Variants in C6 observed in about 807,000 individuals in gnomAD.
C6 encodes the protein complement component C6.
A neutral mutation model predicts 112.9 loss-of-function variants in C6; 101 were observed. That is an observed-to-expected ratio of 0.89 (90% CI 0.76 to 1.06). C6 has a LOEUF of 1.06. Among genes scored for constraint, C6 ranks in the 50% least tolerant of loss-of-function variants. The pLI is 0.00. For missense variants in C6, 1,202 were observed against 1,104.6 expected (o/e 1.09, Z -1.25); for synonymous variants, 431 against 384.1 (o/e 1.12, Z -1.43).
chr5:41,160,388 G>T, intron 10 of C6, 21 bp from the exon 11 acceptor site: 1 of 1,584,468 alleles, frequency 6.3e-7, no homozygotes, highest in Non-Finnish European at 8.7e-7. Flanking sequence ...ATGGGAGAGA[G>T]GAGGTCCAGT....
intron 1 of C6, among the ~76,000 whole-genome samples, chr5:41,255,877 C>T (rs910078618): frequency 6.6e-6 from 1 of 152,038 alleles, no homozygotes; most frequent in Admixed American, 6.5e-5. Flanking sequence ...GAATAGTTCC[C>T]AGGTAAGGCA....
intron 9 of C6, among the ~76,000 whole-genome samples, chr5:41,168,655 A>G (rs76814367): frequency 0.029 from 4,462 of 152,120 alleles, 210 homozygotes; most frequent in African/African-American, 0.1. Flanking sequence ...TTCAGTTATT[A>G]ATGTGAAGAA....
At chr5:41,255,898 GA>G (rs1741664630) in intron 1 of C6, among the ~76,000 whole-genome samples, 1 of 152,200 alleles carries the variant, frequency 6.6e-6, no homozygotes, top group South Asian at 2.1e-4. Context: ...AAATCATTGT[GA>G]AAAGATGTCT....
intron 9 of C6, among the ~76,000 whole-genome samples, chr5:41,162,981 T>A (rs374152033): frequency 6.6e-6 from 1 of 152,168 alleles, no homozygotes; most frequent in Non-Finnish European, 1.5e-5. Flanking sequence ...TTTAGATTGA[T>A]ACCATGTATT....
chr5:41,221,944 C>A (rs1406770143), intron 1 of C6, among the ~76,000 whole-genome samples: 2 of 152,058 alleles, frequency 1.3e-5, no homozygotes, highest in Non-Finnish European at 2.9e-5. Context: ...GCAGGTGGAT[C>A]ACCTCAGGTC....
chr5:41,187,375 C>A (rs1054688015), intron 5 of C6, among the ~76,000 whole-genome samples: 1 of 152,004 alleles, frequency 6.6e-6, no homozygotes, highest in African/African-American at 2.4e-5. Flanking sequence ...TTTACCAGAG[C>A]TGAAATATTA....
chr5:41,221,231 C>T (rs1352583998), intron 1 of C6, among the ~76,000 whole-genome samples: 1 of 152,016 alleles, frequency 6.6e-6, no homozygotes, highest in Non-Finnish European at 1.5e-5. Flanking sequence ...GAGCCCAGGC[C>T]TTTATGCTAT....
At chr5:41,176,139 T>A (rs1369672895) in intron 8 of C6, among the ~76,000 whole-genome samples, 2 of 152,190 alleles carry the variant, frequency 1.3e-5, no homozygotes, top group Non-Finnish European at 1.5e-5. Context: ...AGTACAAAGT[T>A]GGTTTCCCTT....
At chr5:41,218,960 T>C (rs1182084228) in intron 1 of C6, among the ~76,000 whole-genome samples, 1 of 152,228 alleles carries the variant, frequency 6.6e-6, no homozygotes, top group African/African-American at 2.4e-5. Flanking sequence ...AACTATACTT[T>C]GAATACATTT....
intron 1 of C6, among the ~76,000 whole-genome samples, chr5:41,244,978 C>T (rs745989118): frequency 3.3e-5 from 5 of 152,158 alleles, no homozygotes; most frequent in Non-Finnish European, 5.9e-5. Flanking sequence ...GTTAAACTAA[C>T]CTCACATTCC....
At chr5:41,149,524 G>GA (rs778834533) in intron 16 of C6, 42 bp from the exon 17 acceptor site, 4 of 1,611,164 alleles carry the variant, frequency 2.5e-6, no homozygotes, top group African/African-American at 2.7e-5. Context: ...ATGAAGATCA[G>GA]AAAAAAACAG....
rs764543477 is a variant in C6, at chr5:41,172,339, C to G, written c.1177G>C (p.Glu393Gln). The part of the protein sequence containing the change: ...SEELKNSGLT[E>Q]EEAKHCVRIE... ...CTGACACAGTGTTTGGCTTCTTCCT[C>G]GGTTAAACCTAGGAGATGAAGTACA... The change falls in exon 9 of 18, where the codon GAG becomes CAG. Residue 393 changes from glutamate to glutamine, a missense_variant. Transcript: ENST00000337836. 12 of 1,613,492 alleles carry G rather than the reference C, an allele frequency of 7.4e-6. No homozygotes were observed. The Admixed American group carries it at 8.3e-5, about 11-fold the overall frequency.
At position 41,195,839 on chromosome 5, in the gene C6, G is replaced by A. The variant is rs1750571534; in HGVS notation, c.540C>T (p.Cys180=). 1 of 1,613,710 alleles carries A rather than the reference G, an allele frequency of 6.2e-7. No individual in the cohort carries two copies. Among genetic ancestry groups the A allele is most frequent in the African/African-American group, 1.3e-5 (1 of 74,898 alleles). ...TAGGGATGGGATTATACTTCCGTGTGCATACTGCCTTTGTCCTCCCACAGT... is the reference window on the plus strand; with the variant it reads ...TAGGGATGGGATTATACTTCCGTGTACATACTGCCTTTGTCCTCCCACAGT... ...ERDCGRTKAV[C]TRKYNPIPSV... is the part of the protein sequence containing the mutation. The change falls in exon 5 of 18, where the codon TGC becomes TGT. Residue 180 remains cysteine, a synonymous_variant. Coordinates refer to ENST00000337836, the MANE Select transcript of C6 (RefSeq NM_000065.5).
intron 8 of C6, among the ~76,000 whole-genome samples, chr5:41,173,878 A>T (rs1041630956): frequency 6.6e-6 from 1 of 152,120 alleles, no homozygotes; most frequent in African/African-American, 2.4e-5. Context: ...TAACAAAAAG[A>T]TGGTTGTTTC....
At chr5:41,256,741 G>A (rs1741739233) in intron 1 of C6, among the ~76,000 whole-genome samples, 2 of 151,988 alleles carry the variant, frequency 1.3e-5, no homozygotes, top group Admixed American at 1.3e-4. Flanking sequence ...CTTTTTTTCT[G>A]GAATATCTGT....
Position 41,250,337 on chromosome 5 carries a change from A to G in C6, c.-21+10857T>C, listed in dbSNP as rs76826944. Among the ~76,000 whole-genome samples, 237 of 152,258 alleles carry G rather than the reference A, an allele frequency of 1.6e-3. 11 individuals are homozygous for G. In the East Asian group the frequency reaches 0.044, roughly 28 times the overall value. ...TCCATCCTTTAAAATTACCGGCATGAGTTAGATGATTTCTAAGCACGTTTT... is the reference window on the plus strand; with the variant it reads ...TCCATCCTTTAAAATTACCGGCATGGGTTAGATGATTTCTAAGCACGTTTT... On this transcript the variant is annotated intron_variant, in intron 1 of 17. Coordinates refer to the C6 transcript ENST00000263413.
At chr5:41,163,069 TTC>T (rs1258380880) in intron 9 of C6, among the ~76,000 whole-genome samples, 1 of 152,116 alleles carries the variant, frequency 6.6e-6, no homozygotes, top group African/African-American at 2.4e-5. Flanking sequence ...CTGTTTACTG[TTC>T]CATTAGCTTA....
At chr5:41,196,511 T>A (rs1750632425) in intron 4 of C6, among the ~76,000 whole-genome samples, 1 of 151,996 alleles carries the variant, frequency 6.6e-6, no homozygotes, top group South Asian at 2.1e-4. Context: ...TTTCTATATC[T>A]CGATATAGAA....
At chr5:41,244,227 CT>C (rs1740893540) in intron 1 of C6, among the ~76,000 whole-genome samples, 2 of 152,310 alleles carry the variant, frequency 1.3e-5, no homozygotes, top group Admixed American at 1.3e-4. Context: ...ATAAGTTCCT[CT>C]CTTCTTTTTA....
Sources: allele counts gnomAD v4.1 joint callset (sites outside exome capture counted in the v4.1 genomes callset), GRCh38; gene constraint gnomAD v4.1.1; transcripts MANE v1.5; gene names NCBI Gene and HGNC (gene_info 2026-07-23, HGNC 2026-07-21).